The following HMGN2 variants were observed in gnomAD, a reference collection of about 807,000 sequenced individuals.
HMGN2 encodes non-histone chromosomal protein HMG-17.
HMGN2 carries 2 observed loss-of-function variants against 16.9 expected under a neutral mutation model. The ratio of observed to expected loss-of-function variants is 0.12; its 90% CI spans 0.05 to 0.37. The LOEUF (loss-of-function observed/expected upper bound fraction) is 0.37, where lower values mean the gene tolerates loss of function less well. Ranked by LOEUF, HMGN2 falls within the 10% of genes least tolerant of loss-of-function variation. The pLI is 1.00. For synonymous variants in HMGN2, 31 were observed against 34.9 expected (o/e 0.89, Z 0.39); for missense variants, 90 against 106.0 (o/e 0.85, Z 0.66).
At position 26,473,145 on chromosome 1, in the gene HMGN2, C is replaced by T. The variant is rs1158992925; in HGVS notation, c.16-338C>T. 8 of 319,732 alleles carry T rather than the reference C, an allele frequency of 2.5e-5. No individual in the cohort carries two copies. In the East Asian group the frequency reaches 4.5e-4, roughly 18 times the overall value. 19.8% of individuals were successfully genotyped at this position (319,732 alleles called of 1,614,324 possible). A position where few individuals can be genotyped will look rare whatever the true frequency, so the allele number is the denominator to read the frequency against. On this transcript the variant is annotated intron_variant, in intron 1 of 5. Transcript: ENST00000361427. ...AGTTCCCCGGGCTGCGCGCGCCTCC[C>T]TCTCCCGCCCTCGACGGCTGCCATA...
chr1:26,473,600 C>A, intron 2 of HMGN2, 73 bp downstream of exon 2: 1 of 1,545,536 alleles, frequency 6.5e-7, no homozygotes, highest in African/African-American at 1.4e-5. Flanking sequence ...TTAACCGTAA[C>A]CTGTGTCCTG....
intron 4 of HMGN2, 22 bp downstream of exon 4, chr1:26,474,157 G>T: frequency 1.3e-6 from 2 of 1,572,070 alleles, no homozygotes; most frequent in South Asian, 1.1e-5. Flanking sequence ...CATTGGAACT[G>T]ATCATTTTCA....
chr1:26,472,840 C>T lies in HMGN2; in HGVS notation c.15+213C>T, dbSNP rs2075580918. ...GGCCATATTGGAGGAGCGGCGGCCG[C>T]GGCGGGAGGAGCCATGTTGGCGGCT... On this transcript the variant is annotated intron_variant, in intron 1 of 5. Coordinates refer to ENST00000361427, the MANE Select transcript of HMGN2 (RefSeq NM_005517.4). 4.0e-5 allele frequency among the ~76,000 whole-genome samples: 6 copies of T among 151,844 alleles called. No individual in the cohort carries two copies. In the South Asian group the frequency reaches 1.2e-3, roughly 31 times the overall value.
At chr1:26,473,798 C>T in intron 3 of HMGN2, 66 bp downstream of exon 3, 4 of 1,477,668 alleles carry the variant, frequency 2.7e-6, no homozygotes, top group Non-Finnish European at 3.8e-6. Flanking sequence ...AAACAATTCC[C>T]TTTGCTTCCA....
At chr1:26,473,816 T>C in intron 3 of HMGN2, 84 bp downstream of exon 3, 2 of 1,355,972 alleles carry the variant, frequency 1.5e-6, no homozygotes, top group African/African-American at 1.4e-5. Context: ...CCATGAATTA[T>C]GGTTAGTGCC....
At position 26,474,113 on chromosome 1, in the gene HMGN2, A is replaced by G. The variant is rs756133673; in HGVS notation, c.119A>G (p.Lys40Arg). 1.2e-6 allele frequency: 2 copies of G among 1,610,052 alleles called. No homozygotes were observed. Among genetic ancestry groups the G allele is most frequent in the African/African-American group, 1.3e-5 (1 of 74,442 alleles). The change falls in exon 4 of 6, where the codon AAG (lysine) becomes AGG (arginine). Residue 40 changes from lysine (K) to arginine (R), a missense_variant. Lys to Arg is a conservative substitution (Grantham distance 26). Transcript: ENST00000361427. ...CCTGCTCCTCCAAAGCCAGAGCCCA[A>G]GCCTAAAAAGGCCCCTGCAAAGGTA... ...AKPAPPKPEP[K>R]PKKAPAKKGE...
intron 4 of HMGN2, 52 bp from the exon 5 acceptor site, chr1:26,474,520 C>G: frequency 2.3e-6 from 2 of 854,962 alleles, no homozygotes; most frequent in Non-Finnish European, 3.9e-6. Context: ...GCAGACCATA[C>G]CTTGGTAATA....
rs946211948 is a variant in HMGN2 at position 26,472,540 on chromosome 1, G to A, written c.-73G>A. 3 of 1,529,304 alleles carry A rather than the reference G, an allele frequency of 2.0e-6. No homozygotes were observed. The highest frequency in any genetic ancestry group is 2.5e-5 in the East Asian group (1 of 40,754). The allele number at this position is 1,529,304 out of a possible 1,614,324, so 94.7% of individuals were successfully genotyped here. A position where few individuals can be genotyped will look rare whatever the true frequency, so the allele number is the denominator to read the frequency against. On this transcript the variant is annotated 5_prime_UTR_variant, in exon 1 of 6. Transcript: ENST00000361427. ...GAAGAAGAGGCGAGAACGACCCCCG[G>A]ACCGACCAAAGCCCGCGCGCCGCTG...
Position 26,472,543 on chromosome 1 carries a change from C to G in HMGN2, c.-70C>G. The G allele has an allele frequency of 2.0e-6, 3 of 1,530,170 alleles. No individual in the cohort carries two copies. The highest frequency in any genetic ancestry group is 2.4e-5 in the South Asian group (2 of 84,044). The allele number at this position is 1,530,170 out of a possible 1,614,324, so 94.8% of individuals were successfully genotyped here. A position where few individuals can be genotyped will look rare whatever the true frequency, so the allele number is the denominator to read the frequency against. On this transcript the variant is annotated 5_prime_UTR_variant, in exon 1 of 6. Transcript: ENST00000361427. ...GAAGAGGCGAGAACGACCCCCGGAC[C>G]GACCAAAGCCCGCGCGCCGCTGCAT...
intron 3 of HMGN2, 65 bp from the exon 4 acceptor site, chr1:26,474,020 G>T: frequency 7.4e-7 from 1 of 1,351,690 alleles, no homozygotes; most frequent in Non-Finnish European, 1.0e-6. Context: ...TTGGTTGGTT[G>T]TGGGTGGTTT....
At chr1:26,473,177 G>A (rs1434973913) in intron 1 of HMGN2, 4 of 401,134 alleles carry the variant, frequency 1.0e-5, no homozygotes, top group Non-Finnish European at 1.8e-5. Context: ...CATAGCAACG[G>A]CGCTGGGCTC....
chr1:26,473,102 G>A (rs2075585102), intron 1 of HMGN2: 2 of 252,228 alleles, frequency 7.9e-6, no homozygotes, highest in Non-Finnish European at 1.5e-5. Context: ...CACGAGACGC[G>A]CGCTGTCGCC....
At chr1:26,473,897 C>T (rs2075591931) in intron 3 of HMGN2, 165 bp downstream of exon 3, 2 of 803,632 alleles carry the variant, frequency 2.5e-6, no homozygotes, top group South Asian at 1.7e-5. Flanking sequence ...AATTCTGATG[C>T]CTGTAGCCAA....
At position 26,475,938 on chromosome 1, in the gene HMGN2, AT is replaced by A; in HGVS notation, c.*791del. On this transcript the variant is annotated 3_prime_UTR_variant, in exon 6 of 6. Transcript: ENST00000361427. ...AATACCATGATTGTTTATGGAAAGT[AT>A]CTTTAATAAAGCTGGATACAGTTTG... is the stretch of plus-strand genomic sequence containing the variant. The A allele has an allele frequency of 3.4e-6, 1 of 291,210 alleles. No homozygotes were observed. The highest frequency in any genetic ancestry group is 2.3e-5 in the African/African-American group (1 of 44,024). 18.0% of individuals were successfully genotyped at this position (291,210 alleles called of 1,614,324 possible). A position where few individuals can be genotyped will look rare whatever the true frequency, so the allele number is the denominator to read the frequency against.
At chr1:26,473,217 C>G in intron 1 of HMGN2, 1 of 493,388 alleles carries the variant, frequency 2.0e-6, no homozygotes, top group South Asian at 2.5e-5. Flanking sequence ...TTTGCGCCAT[C>G]TGCAGCTGTT....
intron 3 of HMGN2, 54 bp downstream of exon 3, chr1:26,473,786 A>G: frequency 1.3e-6 from 2 of 1,531,752 alleles, no homozygotes; most frequent in Admixed American, 3.3e-5. Context: ...AAAAACATCA[A>G]AAAACAATTC....
rs1242766681 is a variant in HMGN2, at chr1:26,475,765, CCTCA to C, written c.*621_*624del. 8.9e-6 allele frequency: 3 copies of C among 338,468 alleles called. No individual in the cohort carries two copies. The highest frequency in any genetic ancestry group is 1.7e-5 in the Non-Finnish European group (3 of 172,816). 21.0% of individuals were successfully genotyped at this position (338,468 alleles called of 1,614,324 possible). ...AACATGCTAAATGTGAAATGTCAAC[CCTCA>C]CTCTAAACTTTCCCTGTTCAGAGCA... is the stretch of plus-strand genomic sequence containing the variant. On this transcript the variant is annotated 3_prime_UTR_variant, in exon 6 of 6. Transcript: ENST00000361427.
chr1:26,474,231 G>A (rs1247962675), intron 4 of HMGN2, 96 bp downstream of exon 4: 4 of 869,374 alleles, frequency 4.6e-6, no homozygotes, highest in African/African-American at 3.4e-5. Flanking sequence ...ATTAATGGAG[G>A]TTATAAACTG....
At chr1:26,474,998 C>A in intron 5 of HMGN2, 115 bp from the exon 6 acceptor site, 1 of 821,822 alleles carries the variant, frequency 1.2e-6, no homozygotes, top group Non-Finnish European at 2.1e-6. Flanking sequence ...AATACTGAGT[C>A]TCAGTACCTG....
Sources: allele counts gnomAD v4.1 joint callset (sites outside exome capture counted in the v4.1 genomes callset), GRCh38; gene constraint gnomAD v4.1.1; transcripts MANE v1.5; gene names NCBI Gene and HGNC (gene_info 2026-07-23, HGNC 2026-07-21).